TRPC5: variants seen among roughly 807,000 people sequenced by gnomAD.
TRPC5 encodes transient receptor potential cation channel subfamily C member 5, also known as short transient receptor potential channel 5.
Under a neutral mutation model 56.5 loss-of-function variants are expected in TRPC5, and 9 were observed. The observed-to-expected ratio is 0.16, with a 90% CI of 0.10 to 0.28. The LOEUF (loss-of-function observed/expected upper bound fraction) is 0.28, where lower values mean the gene tolerates loss of function less well. TRPC5 is among the 10% of genes least tolerant of loss of function. TRPC5 has a pLI of 1.00. For missense variants in TRPC5, 469 were observed against 748.9 expected (o/e 0.63, Z 4.36); for synonymous variants, 282 against 278.5 (o/e 1.01, Z -0.13).
chrX:111,790,797 A>T (rs1336401410), intron 7 of TRPC5, among the ~76,000 whole-genome samples: 1 of 110,177 alleles, frequency 9.1e-6, no homozygotes, highest in African/African-American at 3.3e-5. Flanking sequence ...AAAGCTGGGG[A>T]TCAGTTGAGG....
At chrX:111,790,763 G>A (rs999052172) in intron 7 of TRPC5, among the ~76,000 whole-genome samples, 2 of 110,314 alleles carry the variant, frequency 1.8e-5, no homozygotes, top group Non-Finnish European at 3.8e-5. Context: ...GCTCATGCCT[G>A]GAATCCCAGC....
At chrX:111,786,096 C>A (rs1228482979) in intron 7 of TRPC5, among the ~76,000 whole-genome samples, 1 of 110,672 alleles carries the variant, frequency 9.0e-6, no homozygotes, top group Non-Finnish European at 1.9e-5. Context: ...GAAGAGCAAC[C>A]CCAAGACACA....
intron 2 of TRPC5, among the ~76,000 whole-genome samples, chrX:111,923,215 A>G (rs1463693910): frequency 1.8e-5 from 2 of 111,984 alleles, no homozygotes; most frequent in Non-Finnish European, 3.8e-5. Context: ...ATCACATCAC[A>G]ACACTGAATA....
intron 1 of TRPC5, among the ~76,000 whole-genome samples, chrX:111,985,611 T>C (rs1928192081): frequency 8.9e-6 from 1 of 112,000 alleles, no homozygotes; most frequent in South Asian, 3.8e-4. Context: ...TCTGGGTAGG[T>C]AAACTGGCTA....
chrX:111,825,208 TTTCTTTCTTTC>T (rs1922182259), intron 7 of TRPC5, among the ~76,000 whole-genome samples: 3 of 73,533 alleles, frequency 4.1e-5, no homozygotes, highest in Admixed American at 1.7e-4. Context: ...TCTTTCTTTC[TTTCTTTCTTTC>T]TTCTTTCTTT....
chrX:111,899,090 C>T lies in TRPC5; in HGVS notation c.900+13201G>A, dbSNP rs1272985453. Among the ~76,000 whole-genome samples, 5 of 110,299 alleles carry T rather than the reference C, an allele frequency of 4.5e-5. No individual in the cohort carries two copies. In the East Asian group the frequency reaches 1.4e-3, roughly 31 times the overall value. On this transcript the variant is annotated intron_variant, in intron 3 of 10. Transcript: ENST00000262839. The stretch of plus-strand genomic sequence containing the variant: ...AATACTTAGCAGTTTCTTCAAGTTT[C>T]TCCTTGCCCTCTCCTCACCCACTAG...
At chrX:112,024,624 A>AT (rs933377133) in intron 1 of TRPC5, among the ~76,000 whole-genome samples, 3 of 111,348 alleles carry the variant, frequency 2.7e-5, no homozygotes, top group African/African-American at 9.8e-5. Context: ...ATGCAAGTCA[A>AT]TTTTTTAATA....
At chrX:111,967,401 T>C (rs1927625079) in intron 1 of TRPC5, among the ~76,000 whole-genome samples, 1 of 111,061 alleles carries the variant, frequency 9.0e-6, no homozygotes. Context: ...ATGGCCATAC[T>C]GCCCAAGGTA....
intron 1 of TRPC5, among the ~76,000 whole-genome samples, chrX:111,968,265 C>G (rs1316355005): frequency 9.0e-5 from 10 of 111,194 alleles, no homozygotes; most frequent in Admixed American, 2.8e-4. Flanking sequence ...CAAATCAAAA[C>G]CACAATGAGA....
intron 3 of TRPC5, among the ~76,000 whole-genome samples, chrX:111,899,397 A>G (rs1925230213): frequency 8.9e-6 from 1 of 111,849 alleles, no homozygotes; most frequent in Admixed American, 9.5e-5. Flanking sequence ...AATTTATTCC[A>G]ATTTTTTTCC....
chrX:112,039,609 T>C (rs1400938225), intron 1 of TRPC5, among the ~76,000 whole-genome samples: 1 of 112,043 alleles, frequency 8.9e-6, no homozygotes, highest in East Asian at 2.8e-4. Flanking sequence ...AACAGGAATT[T>C]TCCCTCATGT....
rs1265367381 is a variant in TRPC5, at chrX:111,769,206, A to G, written c.*7107T>C. Among the ~76,000 whole-genome samples, 1 of 111,511 alleles carries G rather than the reference A, an allele frequency of 9.0e-6. No homozygotes were observed. Among genetic ancestry groups the G allele is most frequent in the African/African-American group, 3.3e-5 (1 of 30,752 alleles). ...CTGTCCCTCTCCCTGATAACAGCCTAGTCACCAGAGCCTCTGTGCTATACA... is the reference window on the plus strand; with the variant it reads ...CTGTCCCTCTCCCTGATAACAGCCTGGTCACCAGAGCCTCTGTGCTATACA... On this transcript the variant is annotated 3_prime_UTR_variant, in exon 11 of 11. Coordinates refer to ENST00000262839, the MANE Select transcript of TRPC5 (RefSeq NM_012471.3).
chrX:111,817,313 C>A (rs1365236447), intron 7 of TRPC5, among the ~76,000 whole-genome samples: 2 of 107,034 alleles, frequency 1.9e-5, no homozygotes, highest in Admixed American at 2.0e-4. Context: ...CACATACTTT[C>A]TCTTATCTGA....
intron 1 of TRPC5, among the ~76,000 whole-genome samples, chrX:112,052,340 C>T (rs1283138980): frequency 9.0e-6 from 1 of 110,623 alleles, no homozygotes; most frequent in African/African-American, 3.3e-5. Context: ...TGTGGTATCT[C>T]ATTATGGGTT....
chrX:111,985,464 C>T (rs1301126358), intron 1 of TRPC5, among the ~76,000 whole-genome samples: 1 of 111,836 alleles, frequency 8.9e-6, no homozygotes, highest in Non-Finnish European at 1.9e-5. Flanking sequence ...TTTTCTTTCC[C>T]CCAAATGCAC....
At chrX:112,045,465 C>A (rs1296161735) in intron 1 of TRPC5, among the ~76,000 whole-genome samples, 2 of 111,826 alleles carry the variant, frequency 1.8e-5, no homozygotes, top group Non-Finnish European at 3.8e-5. Flanking sequence ...GCCTTCAGAA[C>A]TGTGAGACAA....
intron 1 of TRPC5, among the ~76,000 whole-genome samples, chrX:111,999,796 T>G (rs1311260761): frequency 9.0e-6 from 1 of 110,827 alleles, no homozygotes; most frequent in Admixed American, 9.6e-5. Context: ...CAAAACCCCG[T>G]CTCTACTAAA....
chrX:112,015,864 TG>T (rs1929108050), intron 1 of TRPC5, among the ~76,000 whole-genome samples: 1 of 111,590 alleles, frequency 9.0e-6, no homozygotes, highest in South Asian at 3.8e-4. Context: ...ATAATTAGGA[TG>T]TTTATCCTGA....
At chrX:111,779,112 T>C in intron 9 of TRPC5, 38 bp from the exon 10 acceptor site, 3 of 983,518 alleles carry the variant, frequency 3.1e-6, no homozygotes, top group Non-Finnish European at 4.3e-6. Flanking sequence ...TCAGTCTCCT[T>C]CTCAGGCTCT....
Sources: allele counts gnomAD v4.1 joint callset (sites outside exome capture counted in the v4.1 genomes callset), GRCh38; gene constraint gnomAD v4.1.1; transcripts MANE v1.5; gene names NCBI Gene and HGNC (gene_info 2026-07-23, HGNC 2026-07-21).